RECK: variants seen among roughly 807,000 people sequenced by gnomAD.
RECK encodes the protein reversion inducing cysteine rich protein with kazal motifs.
RECK carries 69 observed loss-of-function variants against 115.1 expected under a neutral mutation model. The observed-to-expected ratio is 0.60, with a 90% CI of 0.49 to 0.73. The LOEUF is 0.73. Among genes scored for constraint, RECK ranks in the 30% least tolerant of loss-of-function variants. The pLI, the probability that RECK is intolerant of heterozygous loss-of-function variation, is 0.00. For missense variants in RECK, 1,047 were observed against 1,203.7 expected (o/e 0.87, Z 1.93); for synonymous variants, 414 against 419.7 (o/e 0.99, Z 0.17).
At chr9:36,119,093 G>A in intron 18 of RECK, 126 bp downstream of exon 18, 1 of 934,672 alleles carries the variant, frequency 1.1e-6, no homozygotes, top group Non-Finnish European at 1.6e-6. Flanking sequence ...AGATTCTTAT[G>A]CTGATCATAC....
In RECK at chr9:36,112,421, G is replaced by A. The variant is rs1014738278; in HGVS notation, c.2005G>A (p.Gly669Arg). 1.9e-6 allele frequency: 3 copies of A among 1,614,070 alleles called. No homozygotes were observed. In the Admixed American group the frequency reaches 5.0e-5, roughly 27 times the overall value. Residue 669 changes from glycine to arginine, a missense_variant, in exon 16 of 21, where the codon GGA (glycine) becomes AGA (arginine). Physicochemically the swap from Gly to Arg is moderately radical, Grantham distance 125. Transcript: ENST00000377966. ...CCTCCAAGACCATCAGTTTGAGTTT[G>A]GATCATGCATGTCAAAGGATCCATG... ...VGLQDHQFEF[G>R]SCMSKDPCNP...
intron 12 of RECK, among the ~76,000 whole-genome samples, chr9:36,103,707 C>CA (rs151180038): frequency 0.025 from 3,793 of 152,296 alleles, 176 homozygotes; most frequent in African/African-American, 0.086. Context: ...TCAAGGCCAA[C>CA]AAACTGTGTC....
At chr9:36,070,122 A>T (rs1414267477) in intron 6 of RECK, among the ~76,000 whole-genome samples, 1 of 152,228 alleles carries the variant, frequency 6.6e-6, no homozygotes, top group Admixed American at 6.5e-5. Flanking sequence ...ACAGAAAATT[A>T]TTTGAGATGC....
At chr9:36,075,454 CATT>C (rs1418833874) in intron 6 of RECK, among the ~76,000 whole-genome samples, 1 of 152,118 alleles carries the variant, frequency 6.6e-6, no homozygotes, top group African/African-American at 2.4e-5. Context: ...TGAAATGACA[CATT>C]ATTTGGAAGG....
At chr9:36,120,869 A>G in intron 19 of RECK, 133 bp downstream of exon 19, 1 of 657,890 alleles carries the variant, frequency 1.5e-6, no homozygotes, top group Non-Finnish European at 2.6e-6. Flanking sequence ...TCCCAGGGCC[A>G]TATAGCCCTT....
chr9:36,042,393 A>C (rs1222370091), intron 1 of RECK, among the ~76,000 whole-genome samples: 1 of 149,906 alleles, frequency 6.7e-6, no homozygotes, highest in East Asian at 1.9e-4. Context: ...CCATTATTTC[A>C]TTCCTTTTTA....
chr9:36,110,473 C>T (rs141304145), intron 15 of RECK, among the ~76,000 whole-genome samples: 22 of 152,296 alleles, frequency 1.4e-4, no homozygotes, highest in African/African-American at 5.3e-4. Context: ...CCTTAGCTTA[C>T]TTCTTCATCT....
chr9:36,081,486 C>G (rs780062005), intron 7 of RECK, among the ~76,000 whole-genome samples: 4 of 152,112 alleles, frequency 2.6e-5, no homozygotes, highest in African/African-American at 7.2e-5. Context: ...CATTCCCCAC[C>G]ACCACCCCCA....
intron 12 of RECK, 77 bp downstream of exon 12, chr9:36,102,307 T>C: frequency 7.9e-7 from 1 of 1,273,236 alleles, no homozygotes; most frequent in South Asian, 1.4e-5. Context: ...CTATTTGTTT[T>C]GGATGAGCAT....
intron 8 of RECK, among the ~76,000 whole-genome samples, chr9:36,084,838 T>G (rs2132628427): frequency 6.6e-6 from 1 of 152,190 alleles, no homozygotes; most frequent in African/African-American, 2.4e-5. Flanking sequence ...GAGGATTGCC[T>G]GAGGTCAAAA....
intron 1 of RECK, among the ~76,000 whole-genome samples, chr9:36,048,126 A>AATATATATTTATATATATATATATAT (rs1821140441): frequency 2.6e-5 from 3 of 115,374 alleles, no homozygotes; most frequent in African/African-American, 1.3e-4. Flanking sequence ...ACACAGGTTG[A>AATATATATTTATATATATATATATAT]ATATATATAT....
At chr9:36,075,215 A>G (rs1026481473) in intron 6 of RECK, among the ~76,000 whole-genome samples, 2 of 152,228 alleles carry the variant, frequency 1.3e-5, no homozygotes, top group Admixed American at 1.3e-4. Context: ...AAATAGATAT[A>G]AGGAAATGTG....
chr9:36,121,575 A>G lies in RECK; in HGVS notation c.2581A>G (p.Lys861Glu). 6.2e-7 allele frequency: 1 copy of G among 1,614,164 alleles called. No homozygotes were observed. The highest frequency in any genetic ancestry group is 8.5e-7 in the Non-Finnish European group (1 of 1,179,978). ...KPITVLEILQ[K>E]IRMHVSVPQC... ...AATAACAGTTCTGGAAATACTTCAG[A>G]AAATCCGCATGCACGTGTCTGTCCC... Residue 861 changes from lysine (K) to glutamate (E), a missense_variant, in exon 20 of 21, where the codon AAA becomes GAA. By Grantham distance (56) the Lys-to-Glu change is moderately conservative. Coordinates refer to ENST00000377966, the MANE Select transcript of RECK (RefSeq NM_021111.3).
At chr9:36,047,305 G>A (rs1821101445) in intron 1 of RECK, among the ~76,000 whole-genome samples, 1 of 152,106 alleles carries the variant, frequency 6.6e-6, no homozygotes, top group Non-Finnish European at 1.5e-5. Flanking sequence ...GCATTGCAGA[G>A]GAGTTGTTAT....
rs1041630190 is a variant in RECK at position 36,091,435 on chromosome 9, G to C, written c.1085+92G>C. The C allele has an allele frequency of 1.6e-5, 16 of 998,774 alleles. No individual in the cohort carries two copies. In the African/African-American group the frequency reaches 2.1e-4, roughly 13 times the overall value. 61.9% of individuals were successfully genotyped at this position (998,774 alleles called of 1,614,324 possible). On this transcript the variant is annotated intron_variant, in intron 10 of 20. Coordinates refer to ENST00000377966, the MANE Select transcript of RECK (RefSeq NM_021111.3). ...CTTTATTCTGATTTTATTCCTGTTG[G>C]GTTAAAAGAAAGTCTTCTTTATGAT...
intron 2 of RECK, chr9:36,057,028 CTGTCTGATA>C: frequency 1.0e-6 from 1 of 984,456 alleles, no homozygotes; most frequent in Non-Finnish European, 1.2e-6. Flanking sequence ...TCATGAAGGT[CTGTCTGATA>C]TGTGTAATGA....
chr9:36,038,709 C>T (rs954464344), intron 1 of RECK, among the ~76,000 whole-genome samples: 1 of 151,904 alleles, frequency 6.6e-6, no homozygotes, highest in Non-Finnish European at 1.5e-5. Flanking sequence ...TAAGTATGTT[C>T]GGGAAATACT....
At chr9:36,072,851 T>A (rs1822285325) in intron 6 of RECK, 1 of 152,166 alleles carries the variant, frequency 6.6e-6, no homozygotes, top group South Asian at 2.1e-4. Flanking sequence ...TTGCTGCTAG[T>A]GTATTTCCTT....
At chr9:36,058,640 C>T (rs1821629568) in intron 2 of RECK, among the ~76,000 whole-genome samples, 187 bp from the exon 3 acceptor site, 1 of 145,862 alleles carries the variant, frequency 6.9e-6, no homozygotes, top group South Asian at 2.2e-4. Context: ...TACCCTAAAA[C>T]TTAAAGTATA....
Sources: gnomAD v4.1 joint callset for allele counts (sites outside exome capture counted in the v4.1 genomes callset) on GRCh38, gnomAD v4.1.1 for gene constraint, MANE v1.5 for transcripts, NCBI Gene and HGNC (gene_info 2026-07-23, HGNC 2026-07-21) for gene names.